The following SPMIP2 variants were observed in gnomAD, a reference collection of about 807,000 sequenced individuals.
SPMIP2 encodes protein SPMIP2.
chr4:158,895,996 A>C, the SPMIP2 span: 1 of 644,836 alleles, frequency 1.6e-6, no homozygotes, highest in Non-Finnish European at 2.8e-6. Flanking sequence ...GGAGTCCATC[A>C]GATACGTGCC....
chr4:159,011,528 G>A, the SPMIP2 span, among the ~76,000 whole-genome samples: 11 of 148,036 alleles, frequency 7.4e-5, no homozygotes, highest in Non-Finnish European at 1.2e-4. Flanking sequence ...AGGTGGGGTG[G>A]TTCACCTGAG....
At chr4:159,017,951 T>C in the SPMIP2 span, among the ~76,000 whole-genome samples, 1 of 152,198 alleles carries the variant, frequency 6.6e-6, no homozygotes, top group East Asian at 1.9e-4. Context: ...CTGTGGCTGC[T>C]TCAGGAGTGG....
the SPMIP2 span, among the ~76,000 whole-genome samples, chr4:159,051,848 A>T: frequency 3.3e-5 from 5 of 152,238 alleles, no homozygotes; most frequent in South Asian, 1.0e-3. Flanking sequence ...TCTGTGGCCT[A>T]TTACTCTTTG....
At chr4:159,047,841 A>G in the SPMIP2 span, among the ~76,000 whole-genome samples, 1 of 152,240 alleles carries the variant, frequency 6.6e-6, no homozygotes, top group Admixed American at 6.5e-5. Context: ...CCTGCTCCTC[A>G]GTGGCCTGAG....
the SPMIP2 span, among the ~76,000 whole-genome samples, chr4:158,956,499 G>A: frequency 1.4e-4 from 21 of 152,320 alleles, no homozygotes; most frequent in Admixed American, 8.5e-4. Context: ...GGAGGCAGAG[G>A]CTGCAGCGAG....
At chr4:159,020,422 C>T in the SPMIP2 span, among the ~76,000 whole-genome samples, 2 of 152,128 alleles carry the variant, frequency 1.3e-5, no homozygotes, top group African/African-American at 4.8e-5. Flanking sequence ...TAGAAGTTGT[C>T]TTTGAAGCTG....
the SPMIP2 span, among the ~76,000 whole-genome samples, chr4:159,020,983 G>A: frequency 5.9e-5 from 9 of 152,238 alleles, no homozygotes; most frequent in East Asian, 1.4e-3. Context: ...GGATGGTCTC[G>A]ATCTCCTGAC....
chr4:158,903,143 G>T, the SPMIP2 span, among the ~76,000 whole-genome samples: 4 of 152,234 alleles, frequency 2.6e-5, no homozygotes, highest in African/African-American at 9.6e-5. Flanking sequence ...CTCCTGGTCT[G>T]TGGGTCATGA....
chr4:159,080,358 G>A, the SPMIP2 span, among the ~76,000 whole-genome samples: 5 of 151,948 alleles, frequency 3.3e-5, no homozygotes, highest in South Asian at 1.0e-3. Context: ...CCAGGACTAT[G>A]GGCACAGGTT....
chr4:158,956,824 C>A, the SPMIP2 span, among the ~76,000 whole-genome samples: 1 of 152,330 alleles, frequency 6.6e-6, no homozygotes, highest in East Asian at 1.9e-4. Context: ...TTCCCCTGGC[C>A]CCAGCTCTCC....
At chr4:158,968,961 T>C in the SPMIP2 span, among the ~76,000 whole-genome samples, 227 of 152,326 alleles carry the variant, frequency 1.5e-3, no homozygotes, top group African/African-American at 5.3e-3. Context: ...TTTTGGTTTT[T>C]ATTACCTCAT....
the SPMIP2 span, among the ~76,000 whole-genome samples, chr4:159,051,110 G>GA: frequency 8.0e-3 from 890 of 111,046 alleles, 4 homozygotes; most frequent in Admixed American, 0.027. Flanking sequence ...CTCCGTCTCA[G>GA]AAAAAAAAAA....
chr4:159,067,493 A>C, the SPMIP2 span, among the ~76,000 whole-genome samples: 1 of 152,354 alleles, frequency 6.6e-6, no homozygotes, highest in East Asian at 1.9e-4. Context: ...GGCCTCCCAA[A>C]GTACTGGGAT....
chr4:158,958,179 T>G, the SPMIP2 span, among the ~76,000 whole-genome samples: 1 of 152,162 alleles, frequency 6.6e-6, no homozygotes, highest in South Asian at 2.1e-4. Flanking sequence ...TTAAAATTTT[T>G]CTTGTAGAGA....
the SPMIP2 span, among the ~76,000 whole-genome samples, chr4:158,993,256 C>T: frequency 6.6e-6 from 1 of 152,016 alleles, no homozygotes; most frequent in South Asian, 2.1e-4. Flanking sequence ...AGTCCCAGCT[C>T]CTCAGGAGGC....
the SPMIP2 span, among the ~76,000 whole-genome samples, chr4:158,938,584 A>G: frequency 2.1e-4 from 32 of 152,360 alleles, no homozygotes; most frequent in Middle Eastern, 6.8e-3. Flanking sequence ...GCCTTCCCCA[A>G]GCTCCAGAAT....
the SPMIP2 span, among the ~76,000 whole-genome samples, chr4:158,979,142 T>C: frequency 1.3e-5 from 2 of 151,788 alleles, no homozygotes; most frequent in East Asian, 3.9e-4. Context: ...GGAGACTTTG[T>C]TCACACTGTG....
At chr4:159,075,135 A>G in the SPMIP2 span, among the ~76,000 whole-genome samples, 1 of 152,200 alleles carries the variant, frequency 6.6e-6, no homozygotes, top group Non-Finnish European at 1.5e-5. Flanking sequence ...CCATTGATGT[A>G]GTCCTTATAG....
At chr4:158,965,555 TCCC>T in the SPMIP2 span, among the ~76,000 whole-genome samples, 2 of 151,648 alleles carry the variant, frequency 1.3e-5, no homozygotes, top group South Asian at 4.2e-4. Flanking sequence ...GGAAGTATGC[TCCC>T]CCCAAGTTAA....
Sources: allele counts gnomAD v4.1 joint callset (sites outside exome capture counted in the v4.1 genomes callset), GRCh38; gene constraint gnomAD v4.1.1; transcripts MANE v1.5; gene names NCBI Gene and HGNC (gene_info 2026-07-23, HGNC 2026-07-21).